The following GALNT10 variants were observed in gnomAD, a reference collection of about 807,000 sequenced individuals.
GALNT10 encodes the protein polypeptide N-acetylgalactosaminyltransferase 10.
GALNT10 carries 41 observed loss-of-function variants against 75.0 expected under a neutral mutation model. That is an observed-to-expected ratio of 0.55 (90% CI 0.43 to 0.71). The LOEUF (loss-of-function observed/expected upper bound fraction) is 0.71, where lower values mean the gene tolerates loss of function less well. Ranked by LOEUF, GALNT10 falls within the 30% of genes least tolerant of loss-of-function variation. The pLI is 0.00. For missense variants in GALNT10, 727 were observed against 818.5 expected, an observed-to-expected ratio of 0.89 and a Z score of 1.36; for synonymous variants, 302 against 313.0, an observed-to-expected ratio of 0.96 and a Z score of 0.37.
At chr5:154,398,463 C>G (rs1374949547) in intron 7 of GALNT10, among the ~76,000 whole-genome samples, 1 of 152,224 alleles carries the variant, frequency 6.6e-6, no homozygotes, top group East Asian at 1.9e-4. Context: ...GGTGAGAGGA[C>G]AGTGCTCTTG....
chr5:154,359,275 A>C (rs953428320), intron 4 of GALNT10, among the ~76,000 whole-genome samples: 5 of 152,238 alleles, frequency 3.3e-5, no homozygotes, highest in South Asian at 4.1e-4. Flanking sequence ...GTGTGAGTTA[A>C]ACAAGCCCTC....
Position 154,409,427 on chromosome 5 carries a change from G to T in GALNT10, c.1165-114G>T. On this transcript the variant is annotated intron_variant, in intron 8 of 11. Transcript: ENST00000297107. The surrounding 1 kb of genome is among the most constrained non-coding windows in gnomAD (Gnocchi z 4.5). ...AACTCACGGTGGGGCTGGGATTTTT[G>T]ATGGAACATAAAATAAGAAGGGTTG... 1.3e-6 allele frequency: 1 copy of T among 781,130 alleles called. No individual in the cohort carries two copies. Among genetic ancestry groups the T allele is most frequent in the South Asian group, 1.4e-5 (1 of 72,050 alleles). 48.4% of individuals were successfully genotyped at this position (781,130 alleles called of 1,614,324 possible).
At chr5:154,228,718 T>G (rs981015807) in intron 1 of GALNT10, among the ~76,000 whole-genome samples, 1 of 152,194 alleles carries the variant, frequency 6.6e-6, no homozygotes, top group African/African-American at 2.4e-5. Flanking sequence ...TGGTATAGAG[T>G]GAACTGCCAA....
chr5:154,201,570 A>C (rs1349180066), intron 1 of GALNT10, among the ~76,000 whole-genome samples: 2 of 152,022 alleles, frequency 1.3e-5, no homozygotes, highest in East Asian at 1.9e-4. Context: ...CTGTCTAATA[A>C]AGTTTTGTTG....
intron 1 of GALNT10, among the ~76,000 whole-genome samples, chr5:154,277,976 C>A (rs893514365): frequency 6.9e-5 from 10 of 144,836 alleles, no homozygotes; most frequent in Non-Finnish European, 1.1e-4. Flanking sequence ...GAGTACCTAA[C>A]CTAAGGCCAA....
chr5:154,381,657 C>T (rs1755736854), intron 6 of GALNT10, among the ~76,000 whole-genome samples: 1 of 152,226 alleles, frequency 6.6e-6, no homozygotes, highest in African/African-American at 2.4e-5. Flanking sequence ...GCTGCATTCC[C>T]TCTGGATGCC....
At chr5:154,310,445 T>TGGTTTGTTTGTTTG (rs1554098093) in intron 3 of GALNT10, among the ~76,000 whole-genome samples, 1 of 50,168 alleles carries the variant, frequency 2.0e-5, no homozygotes, top group Non-Finnish European at 4.7e-5. Context: ...TTTTTTGTTT[T>TGGTTTGTTTGTTTG]TTTTTTTGTT....
intron 3 of GALNT10, among the ~76,000 whole-genome samples, chr5:154,324,178 A>G (rs1000880620): frequency 4.6e-5 from 7 of 152,174 alleles, no homozygotes; most frequent in African/African-American, 1.7e-4. Context: ...CATGCCTTCC[A>G]TGTGGGGTTC....
At chr5:154,211,229 A>G (rs1775193310) in intron 1 of GALNT10, among the ~76,000 whole-genome samples, 2 of 152,212 alleles carry the variant, frequency 1.3e-5, no homozygotes, top group South Asian at 4.1e-4. Flanking sequence ...GTGTGGTTGG[A>G]GGGTGGCCCT....
rs958907658 is a variant in GALNT10 at position 154,352,750 on chromosome 5, T to A, written c.568+23012T>A. ...GTTCATGCAGAGGCCCATTTAGTAG[T>A]GTGTGATGCTACAGAGCCCTTTAAA... On this transcript the variant is annotated intron_variant, in intron 4 of 11. Transcript: ENST00000297107. The surrounding 1 kb of genome is among the most constrained non-coding windows in gnomAD (Gnocchi z 4.4). Among the ~76,000 whole-genome samples, 1 of 152,182 alleles carries A rather than the reference T, an allele frequency of 6.6e-6. No homozygotes were observed. The highest frequency in any genetic ancestry group is 1.5e-5 in the Non-Finnish European group (1 of 68,040).
intron 10 of GALNT10, among the ~76,000 whole-genome samples, chr5:154,414,106 A>G (rs533112381): frequency 4.3e-4 from 65 of 152,388 alleles, no homozygotes; most frequent in African/African-American, 1.5e-3. Flanking sequence ...GCACACACCT[A>G]TTAAAAAGAC....
intron 3 of GALNT10, among the ~76,000 whole-genome samples, chr5:154,314,001 C>T (rs1398472465): frequency 6.6e-6 from 1 of 152,000 alleles, no homozygotes; most frequent in Non-Finnish European, 1.5e-5. Context: ...TTTTAAGGGA[C>T]TGTCCTTTTT....
At chr5:154,327,730 A>G (rs1260408176) in intron 3 of GALNT10, among the ~76,000 whole-genome samples, 4 of 152,246 alleles carry the variant, frequency 2.6e-5, no homozygotes, top group African/African-American at 7.2e-5. Flanking sequence ...AGTTTTCTCT[A>G]TAGAAGAATT....
intron 10 of GALNT10, among the ~76,000 whole-genome samples, chr5:154,413,835 A>G (rs1415231118): frequency 6.6e-6 from 1 of 152,236 alleles, no homozygotes; most frequent in Non-Finnish European, 1.5e-5. Flanking sequence ...AAACTGGACT[A>G]ATTCAAAATG....
intron 4 of GALNT10, among the ~76,000 whole-genome samples, chr5:154,336,115 T>G (rs1754941082): frequency 6.6e-6 from 1 of 152,340 alleles, no homozygotes; most frequent in African/African-American, 2.4e-5. Context: ...CTTCTTTCAC[T>G]CACAAATATG....
At chr5:154,363,765 G>T (rs193001298) in intron 4 of GALNT10, among the ~76,000 whole-genome samples, 4 of 152,282 alleles carry the variant, frequency 2.6e-5, no homozygotes, top group Admixed American at 2.0e-4. Flanking sequence ...GATAGCATTT[G>T]CTTCCTGACG....
chr5:154,360,342 T>C (rs771444916), intron 4 of GALNT10, among the ~76,000 whole-genome samples: 1 of 151,764 alleles, frequency 6.6e-6, no homozygotes, highest in Non-Finnish European at 1.5e-5. Flanking sequence ...TCCCAACTAC[T>C]TGGGAGGCTG....
At chr5:154,357,184 G>A (rs1011379805) in intron 4 of GALNT10, among the ~76,000 whole-genome samples, 1 of 152,172 alleles carries the variant, frequency 6.6e-6, no homozygotes, top group Admixed American at 6.5e-5. Flanking sequence ...AGGAGGGTTT[G>A]GTGTAAGGGA....
At chr5:154,410,540 G>T (rs1756376487) in intron 9 of GALNT10, among the ~76,000 whole-genome samples, 1 of 152,166 alleles carries the variant, frequency 6.6e-6, no homozygotes, top group Non-Finnish European at 1.5e-5. Flanking sequence ...GACAGAGCAA[G>T]ACCCTGCCTC....
Sources: gnomAD v4.1 joint callset for allele counts (sites outside exome capture counted in the v4.1 genomes callset) on GRCh38, gnomAD v4.1.1 for gene constraint, Gnocchi (gnomAD v3.1) non-coding constraint, MANE v1.5 for transcripts, NCBI Gene and HGNC (gene_info 2026-07-23, HGNC 2026-07-21) for gene names.